Variants in CHCHD3 observed in about 807,000 individuals in gnomAD.
CHCHD3 encodes the protein MICOS complex subunit MIC19.
Under a neutral mutation model 38.2 loss-of-function variants are expected in CHCHD3, and 20 were observed. The ratio of observed to expected loss-of-function variants is 0.52; its 90% CI spans 0.37 to 0.76. CHCHD3 has a LOEUF of 0.76. CHCHD3 is among the 30% of genes least tolerant of loss of function. The pLI is 0.00. For synonymous variants in CHCHD3, 82 were observed against 100.0 expected (o/e 0.82, Z 1.07); for missense variants, 245 against 279.2 (o/e 0.88, Z 0.87).
chr7:132,940,634 C>A (rs1032646874), intron 4 of CHCHD3, among the ~76,000 whole-genome samples: 2 of 152,312 alleles, frequency 1.3e-5, no homozygotes, highest in Middle Eastern at 3.4e-3. Flanking sequence ...CTTCCTTCAA[C>A]GTCTGGCTTT....
At chr7:132,947,629 T>G (rs937343668) in intron 4 of CHCHD3, among the ~76,000 whole-genome samples, 1 of 152,048 alleles carries the variant, frequency 6.6e-6, no homozygotes, top group African/African-American at 2.4e-5. Flanking sequence ...TCTCTATTTT[T>G]AAAAGTTACA....
chr7:133,049,902 G>A (rs186924068), intron 2 of CHCHD3, among the ~76,000 whole-genome samples: 2 of 152,260 alleles, frequency 1.3e-5, no homozygotes. Flanking sequence ...TACAGCTAGT[G>A]CACTGCTGCT....
intron 5 of CHCHD3, among the ~76,000 whole-genome samples, chr7:132,861,213 A>C (rs1808480990): frequency 6.6e-6 from 1 of 152,148 alleles, no homozygotes. Context: ...TGAGTAGGTA[A>C]TGGTGCCATT....
At chr7:132,907,259 C>T (rs190587774) in intron 4 of CHCHD3, among the ~76,000 whole-genome samples, 2 of 152,162 alleles carry the variant, frequency 1.3e-5, no homozygotes, top group Admixed American at 6.5e-5. Flanking sequence ...CCCATTTACA[C>T]ACAGAGCTAT....
At chr7:132,946,410 A>G (rs74466698) in intron 4 of CHCHD3, among the ~76,000 whole-genome samples, 4,786 of 152,016 alleles carry the variant, frequency 0.031, 160 homozygotes, top group African/African-American at 0.077. Flanking sequence ...TAGGGCAGGA[A>G]CATAACTGAG....
chr7:132,984,184 T>C lies in CHCHD3; in HGVS notation c.252-8898A>G, dbSNP rs1812006990. ...CCTGCCTGATTCTCCTGCCTCAGCCTGCCGAGTGCCTGCGATTGCAGGCGC... is the reference window on the plus strand; with the variant it reads ...CCTGCCTGATTCTCCTGCCTCAGCCCGCCGAGTGCCTGCGATTGCAGGCGC... On this transcript the variant is annotated intron_variant, in intron 3 of 7. Transcript: ENST00000262570. 4.0e-5 allele frequency among the ~76,000 whole-genome samples: 6 copies of C among 151,712 alleles called. No individual in the cohort carries two copies. In the South Asian group the frequency reaches 1.0e-3, roughly 26 times the overall value.
At chr7:132,802,670 A>C (rs1437192025) in intron 6 of CHCHD3, among the ~76,000 whole-genome samples, 5 of 152,174 alleles carry the variant, frequency 3.3e-5, no homozygotes, top group Non-Finnish European at 7.3e-5. Flanking sequence ...CATATCGCTA[A>C]AAAGGGAGAT....
At chr7:133,014,155 A>G (rs935787300) in intron 3 of CHCHD3, among the ~76,000 whole-genome samples, 1 of 152,200 alleles carries the variant, frequency 6.6e-6, no homozygotes, top group Admixed American at 6.5e-5. Context: ...GTTTTAATCT[A>G]AATCAACCTT....
At chr7:132,961,413 CTTAA>C (rs1811317065) in intron 4 of CHCHD3, among the ~76,000 whole-genome samples, 1 of 152,172 alleles carries the variant, frequency 6.6e-6, no homozygotes, top group East Asian at 1.9e-4. Context: ...ATTTGGGTCA[CTTAA>C]TTATTTTTTC....
chr7:132,916,428 G>C (rs572089836), intron 4 of CHCHD3, among the ~76,000 whole-genome samples: 2 of 152,248 alleles, frequency 1.3e-5, no homozygotes, highest in South Asian at 4.1e-4. Flanking sequence ...AATTACAGTA[G>C]TTCCCCCTTT....
At chr7:133,006,801 G>C (rs540940797) in intron 3 of CHCHD3, among the ~76,000 whole-genome samples, 5 of 152,096 alleles carry the variant, frequency 3.3e-5, no homozygotes, top group Admixed American at 3.3e-4. Context: ...GTTCATAAAA[G>C]TGAAACATTC....
In CHCHD3 at chr7:133,035,703, T is replaced by C; in HGVS notation, c.170-11076A>G. ...ATTGCTCACATAGTAGGCAATGGCG[T>C]TGCTCTCAAACACACAGAATCCATC... On this transcript the variant is annotated intron_variant, in intron 2 of 7. Transcript: ENST00000262570. The surrounding 1 kb of genome is among the most constrained non-coding windows in gnomAD (Gnocchi z 4.7). 2 of 1,613,418 alleles carry C rather than the reference T, an allele frequency of 1.2e-6. No homozygotes were observed. Among genetic ancestry groups the C allele is most frequent in the Admixed American group, 1.7e-5 (1 of 60,010 alleles).
chr7:133,062,111 A>T (rs1349041884), intron 2 of CHCHD3, among the ~76,000 whole-genome samples: 1 of 150,816 alleles, frequency 6.6e-6, no homozygotes, highest in Non-Finnish European at 1.5e-5. Flanking sequence ...TTTTTTTTTT[A>T]ACAAGGAAAA....
chr7:132,800,955 A>C (rs1806777614), intron 6 of CHCHD3, among the ~76,000 whole-genome samples: 1 of 152,192 alleles, frequency 6.6e-6, no homozygotes, highest in African/African-American at 2.4e-5. Context: ...CACACAACAC[A>C]GTCAGGGAAT....
chr7:132,988,608 T>C (rs1450763802), intron 3 of CHCHD3, among the ~76,000 whole-genome samples: 2 of 152,096 alleles, frequency 1.3e-5, no homozygotes, highest in Non-Finnish European at 2.9e-5. Context: ...AATCAAAAAT[T>C]TTTAGGGAAA....
intron 6 of CHCHD3, among the ~76,000 whole-genome samples, chr7:132,835,115 T>C (rs920936577): frequency 6.6e-6 from 1 of 151,250 alleles, no homozygotes; most frequent in Non-Finnish European, 1.5e-5. Flanking sequence ...GCTGGGACTA[T>C]AGGCATGCGC....
At chr7:133,058,478 T>G (rs945413113) in intron 2 of CHCHD3, among the ~76,000 whole-genome samples, 3 of 152,182 alleles carry the variant, frequency 2.0e-5, no homozygotes, top group African/African-American at 7.2e-5. Context: ...GTTTAAATGA[T>G]TATAAGGATG....
At chr7:132,870,351 C>CAAA (rs58488494) in intron 5 of CHCHD3, among the ~76,000 whole-genome samples, 5 of 99,366 alleles carry the variant, frequency 5.0e-5, no homozygotes, top group African/African-American at 1.9e-4. Context: ...CCTATCTCAC[C>CAAA]AAAAAAAAAA....
chr7:133,045,594 T>A (rs113849080), intron 2 of CHCHD3, among the ~76,000 whole-genome samples: 5,860 of 152,242 alleles, frequency 0.038, 369 homozygotes, highest in African/African-American at 0.13. Flanking sequence ...ACACAAATAA[T>A]TTAAACTTAT....
Sources: gnomAD v4.1 joint callset for allele counts (sites outside exome capture counted in the v4.1 genomes callset) on GRCh38, gnomAD v4.1.1 for gene constraint, Gnocchi (gnomAD v3.1) non-coding constraint, MANE v1.5 for transcripts, NCBI Gene and HGNC (gene_info 2026-07-23, HGNC 2026-07-21) for gene names.